The following CHST9 variants were observed in gnomAD, a reference collection of about 807,000 sequenced individuals.
CHST9 encodes GalNAc-4-sulfotransferase 2.
In CHST9, 41 loss-of-function variants were observed where a neutral mutation model predicts 44.4. That is an observed-to-expected ratio of 0.92 (90% confidence interval 0.72 to 1.20). The LOEUF is 1.20. CHST9 is among the 50% of genes most tolerant of loss of function. The probability of loss-of-function intolerance (pLI) is 0.00; values close to 1 mark genes in which losing one functional copy is unlikely to be tolerated. For synonymous variants in CHST9, 171 were observed against 178.4 expected, an observed-to-expected ratio of 0.96 and a Z score of 0.33; for missense variants, 504 against 516.5, an observed-to-expected ratio of 0.98 and a Z score of 0.23.
chr18:27,066,783 C>T (rs1183318941), intron 2 of CHST9, among the ~76,000 whole-genome samples: 1 of 152,048 alleles, frequency 6.6e-6, no homozygotes, highest in Non-Finnish European at 1.5e-5. Context: ...ATTATTTTAA[C>T]TTCTTACATG....
chr18:27,081,421 G>T (rs2057959803), intron 2 of CHST9, among the ~76,000 whole-genome samples: 2 of 152,150 alleles, frequency 1.3e-5, no homozygotes, highest in South Asian at 4.1e-4. Flanking sequence ...CTCAGATGAT[G>T]GTTTCTCTGA....
chr18:26,962,712 G>A (rs529191510), intron 4 of CHST9, among the ~76,000 whole-genome samples: 2 of 152,192 alleles, frequency 1.3e-5, no homozygotes, highest in Admixed American at 6.5e-5. Flanking sequence ...CAGCTGCTGG[G>A]AGCTGGTAGA....
At chr18:27,060,183 A>G (rs1325052920) in intron 2 of CHST9, among the ~76,000 whole-genome samples, 1 of 152,202 alleles carries the variant, frequency 6.6e-6, no homozygotes, top group Non-Finnish European at 1.5e-5. Context: ...TGTAAAAAGT[A>G]AACAAGAAAT....
chr18:26,975,725 GTATATATATATATATATATATA>G (rs59671204), intron 4 of CHST9, among the ~76,000 whole-genome samples: 9 of 101,842 alleles, frequency 8.8e-5, no homozygotes, highest in East Asian at 8.7e-4. Context: ...GTGTGTGTGT[GTATATATATATATATATATATA>G]TATATATATA....
chr18:26,991,898 A>T (rs1209774071), intron 4 of CHST9, among the ~76,000 whole-genome samples: 1 of 128,106 alleles, frequency 7.8e-6, no homozygotes, highest in Non-Finnish European at 1.8e-5. Flanking sequence ...GGAATGGACA[A>T]GAAGAACTCC....
At chr18:27,111,199 G>A (rs987772214) in intron 2 of CHST9, among the ~76,000 whole-genome samples, 3 of 152,114 alleles carry the variant, frequency 2.0e-5, no homozygotes, top group Non-Finnish European at 4.4e-5. Flanking sequence ...CAGCACATGG[G>A]ACTATTATCT....
At chr18:27,121,271 T>C (rs887919810) in intron 2 of CHST9, among the ~76,000 whole-genome samples, 13 of 152,164 alleles carry the variant, frequency 8.5e-5, no homozygotes, top group Admixed American at 3.9e-4. Flanking sequence ...TTCAAAAGTG[T>C]TGGGATTCCA....
At chr18:26,960,157 C>T (rs150364653) in intron 4 of CHST9, among the ~76,000 whole-genome samples, 1 of 151,980 alleles carries the variant, frequency 6.6e-6, no homozygotes, top group African/African-American at 2.4e-5. Context: ...CCACAGGAGG[C>T]AGAAATAGAT....
At chr18:27,103,517 T>A (rs1338000231) in intron 2 of CHST9, among the ~76,000 whole-genome samples, 1 of 152,202 alleles carries the variant, frequency 6.6e-6, no homozygotes, top group Admixed American at 6.5e-5. Context: ...AACAATGGTA[T>A]CTGGCAATCC....
At chr18:27,024,637 C>T (rs2057264031) in intron 3 of CHST9, among the ~76,000 whole-genome samples, 1 of 152,208 alleles carries the variant, frequency 6.6e-6, no homozygotes, top group Non-Finnish European at 1.5e-5. Flanking sequence ...CCATGTACAG[C>T]TCCTGGCATT....
In CHST9 at chr18:27,015,922, G is replaced by A. The variant is rs543708191; in HGVS notation, c.202+8194C>T. On this transcript the variant is annotated intron_variant, in intron 4 of 5. Coordinates refer to ENST00000618847, the MANE Select transcript of CHST9 (RefSeq NM_031422.6). ...TTGCTTCAGCCTAATCTTGTGACAC[G>A]TGGCCTTCTACAAACTTCTTCAGTA... Among the ~76,000 whole-genome samples the A allele has an allele frequency of 5.3e-5, 8 of 152,258 alleles. No homozygotes were observed. In the South Asian group the frequency reaches 6.2e-4, roughly 12 times the overall value.
chr18:27,015,322 G>GA (rs2057138778), intron 4 of CHST9, among the ~76,000 whole-genome samples: 1 of 70,992 alleles, frequency 1.4e-5, no homozygotes, highest in East Asian at 4.3e-4. Flanking sequence ...CAGAGAGGCA[G>GA]TTGTGTGTGT....
chr18:27,021,467 C>T (rs2057225830), intron 4 of CHST9, among the ~76,000 whole-genome samples: 2 of 152,166 alleles, frequency 1.3e-5, no homozygotes, highest in African/African-American at 4.8e-5. Context: ...CAATTGTCCC[C>T]TCAATGGCAC....
intron 5 of CHST9, among the ~76,000 whole-genome samples, chr18:26,926,287 T>C (rs977126516): frequency 6.6e-6 from 1 of 152,228 alleles, no homozygotes; most frequent in African/African-American, 2.4e-5. Context: ...TATGGTTTTA[T>C]TTGCCAGTTC....
At chr18:27,091,090 C>G (rs1014118096) in intron 2 of CHST9, among the ~76,000 whole-genome samples, 1 of 152,100 alleles carries the variant, frequency 6.6e-6, no homozygotes, top group Non-Finnish European at 1.5e-5. Flanking sequence ...ATGGAATGTT[C>G]TTCCATTTGT....
intron 2 of CHST9, among the ~76,000 whole-genome samples, chr18:27,054,451 G>C (rs1470280602): frequency 1.3e-5 from 2 of 151,892 alleles, no homozygotes; most frequent in African/African-American, 4.8e-5. Context: ...CATAAAAATT[G>C]AATTTGTAAG....
At position 27,054,769 on chromosome 18, in the gene CHST9, G is replaced by T. The variant is rs111275902; in HGVS notation, c.122-6266C>A. Reference sequence around the variant, plus strand: ...GTATGGGCATCTGTATCATAACTCAGTATCTCATGTCACTTCTCAGGAGAA... The same window carrying T: ...GTATGGGCATCTGTATCATAACTCATTATCTCATGTCACTTCTCAGGAGAA... On this transcript the variant is annotated intron_variant, in intron 2 of 5. Coordinates refer to ENST00000618847, the MANE Select transcript of CHST9 (RefSeq NM_031422.6). 2.2e-3 allele frequency among the ~76,000 whole-genome samples: 336 copies of T among 152,168 alleles called. 3 individuals are homozygous for T. Among genetic ancestry groups the T allele is most frequent in the African/African-American group, 7.5e-3 (313 of 41,520 alleles).
At chr18:27,053,803 A>C (rs1479601114) in intron 2 of CHST9, among the ~76,000 whole-genome samples, 1 of 152,076 alleles carries the variant, frequency 6.6e-6, no homozygotes, top group Non-Finnish European at 1.5e-5. Context: ...GCTTCCTAGA[A>C]TGTCCTGTCA....
chr18:27,112,462 A>C (rs2058279969), intron 2 of CHST9, among the ~76,000 whole-genome samples: 1 of 151,964 alleles, frequency 6.6e-6, no homozygotes, highest in Admixed American at 6.6e-5. Context: ...ATAAGGCAAA[A>C]TTTATGTTAA....
Sources: gnomAD v4.1 joint callset for allele counts (sites outside exome capture counted in the v4.1 genomes callset) on GRCh38, gnomAD v4.1.1 for gene constraint, MANE v1.5 for transcripts, NCBI Gene and HGNC (gene_info 2026-07-23, HGNC 2026-07-21) for gene names.